GPATCH2: variants seen among roughly 807,000 people sequenced by gnomAD.
The protein encoded by GPATCH2 is G patch domain-containing protein 2.
A neutral mutation model predicts 58.0 loss-of-function variants in GPATCH2; 51 were observed. The ratio of observed to expected loss-of-function variants is 0.88; its 90% CI spans 0.70 to 1.11. The LOEUF (loss-of-function observed/expected upper bound fraction) is 1.11. GPATCH2 is among the 50% of genes most tolerant of loss of function. GPATCH2 has a pLI of 0.00. For missense variants in GPATCH2, 625 were observed against 652.2 expected (o/e 0.96, Z 0.45); for synonymous variants, 222 against 218.5 (o/e 1.02, Z -0.14).
chr1:217,478,617 A>C (rs1661071454), intron 8 of GPATCH2, among the ~76,000 whole-genome samples: 1 of 152,156 alleles, frequency 6.6e-6, no homozygotes, highest in African/African-American at 2.4e-5. Context: ...AAAACAATGA[A>C]GCACACCTAC....
intron 9 of GPATCH2, among the ~76,000 whole-genome samples, chr1:217,434,760 A>C (rs148914933): frequency 1.3e-5 from 2 of 152,308 alleles, no homozygotes; most frequent in African/African-American, 4.8e-5. Context: ...TTGATTCACT[A>C]TTATAATTGA....
Position 217,429,396 on chromosome 1 carries a change from A to G in GPATCH2, c.*1749T>C, listed in dbSNP as rs1357154431. The stretch of plus-strand genomic sequence containing the variant: ...TCCCTGGGAAAGAAGATAATTCTCA[A>G]GAAATGTACATTTGGCAAACCGTGA... On this transcript the variant is annotated 3_prime_UTR_variant, in exon 10 of 10. Coordinates refer to ENST00000366935, the MANE Select transcript of GPATCH2 (RefSeq NM_018040.5). 1.3e-5 allele frequency: 2 copies of G among 152,160 alleles called. No individual in the cohort carries two copies. The highest frequency in any genetic ancestry group is 3.9e-4 in the East Asian group (2 of 5,182). The allele number at this position is 152,160 out of a possible 1,614,324, so 9.4% of individuals were successfully genotyped here.
At chr1:217,581,327 G>A (rs4846423) in intron 5 of GPATCH2, among the ~76,000 whole-genome samples, 31,458 of 152,118 alleles carry the variant, frequency 0.21, 4,162 homozygotes, top group East Asian at 0.49. Context: ...CCTAGCACAA[G>A]ACCTTACAAG....
chr1:217,553,250 G>A (rs1219203021), intron 5 of GPATCH2, among the ~76,000 whole-genome samples: 1 of 152,058 alleles, frequency 6.6e-6, no homozygotes, highest in African/African-American at 2.4e-5. Flanking sequence ...CCTATCAGTA[G>A]CTAAATTTGC....
chr1:217,514,834 G>A lies in GPATCH2; in HGVS notation c.1154C>T (p.Ser385Phe), dbSNP rs1663043970. 4 of 1,493,970 alleles carry A rather than the reference G, an allele frequency of 2.7e-6. No homozygotes were observed. The highest frequency in any genetic ancestry group is 3.7e-6 in the Non-Finnish European group (4 of 1,070,690). 92.5% of individuals were successfully genotyped at this position (1,493,970 alleles called of 1,614,324 possible). Residue 385 changes from serine (S) to phenylalanine (F), a missense_variant, in exon 6 of 10, where the codon TCT (serine) becomes TTT (phenylalanine). Coordinates refer to ENST00000366935, the MANE Select transcript of GPATCH2 (RefSeq NM_018040.5). ...ACTGAGTACTCACTCATGGTGATGA[G>A]AATCCGGGGAAAAATGAACCATTCT... ...NKRMVHFSPD[S>F]HHHDHWFSPG... is the part of the protein sequence containing the mutation.
At chr1:217,592,979 A>G (rs1490478715) in intron 5 of GPATCH2, among the ~76,000 whole-genome samples, 2 of 151,862 alleles carry the variant, frequency 1.3e-5, no homozygotes, top group East Asian at 1.9e-4. Flanking sequence ...TCATCTAACA[A>G]CCTCTTAAGT....
At chr1:217,455,724 C>T (rs1471234964) in intron 8 of GPATCH2, among the ~76,000 whole-genome samples, 2 of 152,080 alleles carry the variant, frequency 1.3e-5, no homozygotes, top group African/African-American at 4.8e-5. Context: ...AGGTCCCACC[C>T]TCAAGCCTGG....
intron 5 of GPATCH2, among the ~76,000 whole-genome samples, chr1:217,522,682 A>G (rs1412807601): frequency 1.3e-5 from 2 of 152,184 alleles, no homozygotes; most frequent in Non-Finnish European, 2.9e-5. Flanking sequence ...TCCCACTGCT[A>G]TACACTTGGA....
intron 1 of GPATCH2, among the ~76,000 whole-genome samples, chr1:217,623,210 T>C (rs1239440932): frequency 1.3e-5 from 2 of 152,166 alleles, no homozygotes; most frequent in African/African-American, 4.8e-5. Flanking sequence ...AGTTTTCTTA[T>C]CAATGGGTGA....
intron 2 of GPATCH2, among the ~76,000 whole-genome samples, chr1:217,618,552 T>C (rs575905658): frequency 6.6e-6 from 1 of 152,280 alleles, no homozygotes; most frequent in South Asian, 2.1e-4. Flanking sequence ...AGAAAAATTA[T>C]ATGACTAGCA....
At chr1:217,613,677 C>CATAA (rs1668742962) in intron 3 of GPATCH2, among the ~76,000 whole-genome samples, 1 of 151,990 alleles carries the variant, frequency 6.6e-6, no homozygotes, top group Non-Finnish European at 1.5e-5. Context: ...TAATGGTTTA[C>CATAA]AATATTGAAT....
intron 6 of GPATCH2, among the ~76,000 whole-genome samples, chr1:217,499,210 T>C (rs987505257): frequency 3.3e-5 from 5 of 152,194 alleles, no homozygotes; most frequent in Admixed American, 2.0e-4. Context: ...TCACAGGGAA[T>C]GATACTAACA....
At chr1:217,594,406 C>G (rs1667726713) in intron 5 of GPATCH2, among the ~76,000 whole-genome samples, 1 of 151,970 alleles carries the variant, frequency 6.6e-6, no homozygotes, top group South Asian at 2.1e-4. Flanking sequence ...AAATCAAATT[C>G]CAACTTTTAA....
At chr1:217,577,111 G>A (rs1305791913) in intron 5 of GPATCH2, among the ~76,000 whole-genome samples, 1 of 152,082 alleles carries the variant, frequency 6.6e-6, no homozygotes, top group Admixed American at 6.5e-5. Context: ...ATATTCAACA[G>A]CTAAGCAAAG....
intron 8 of GPATCH2, among the ~76,000 whole-genome samples, chr1:217,488,159 T>C (rs1009402509): frequency 6.6e-6 from 1 of 152,374 alleles, no homozygotes; most frequent in East Asian, 1.9e-4. Flanking sequence ...ACTAGCTTTA[T>C]GGCCTGGTAA....
At chr1:217,501,371 A>G (rs1321041655) in intron 6 of GPATCH2, among the ~76,000 whole-genome samples, 3 of 152,054 alleles carry the variant, frequency 2.0e-5, no homozygotes, top group Admixed American at 6.6e-5. Context: ...GTTATATCCA[A>G]TTTTGGGCTA....
chr1:217,525,020 C>A (rs1022419903), intron 5 of GPATCH2, among the ~76,000 whole-genome samples: 33 of 145,152 alleles, frequency 2.3e-4, no homozygotes, highest in Admixed American at 3.5e-4. Context: ...TTTTATTTAT[C>A]TATTTAAATA....
chr1:217,541,138 C>T (rs1307577941), intron 5 of GPATCH2, among the ~76,000 whole-genome samples: 1 of 152,142 alleles, frequency 6.6e-6, no homozygotes, highest in Non-Finnish European at 1.5e-5. Context: ...TGGTTAAGGT[C>T]CGTGAGCTCC....
chr1:217,520,331 T>C (rs895446079), intron 5 of GPATCH2, among the ~76,000 whole-genome samples: 2 of 152,202 alleles, frequency 1.3e-5, no homozygotes, highest in African/African-American at 4.8e-5. Flanking sequence ...AGTTCAAAAC[T>C]GTTGTAGAAA....
Sources: allele counts gnomAD v4.1 joint callset (sites outside exome capture counted in the v4.1 genomes callset), GRCh38; gene constraint gnomAD v4.1.1; transcripts MANE v1.5; gene names NCBI Gene and HGNC (gene_info 2026-07-23, HGNC 2026-07-21).